The following NTM variants were observed in gnomAD, a reference collection of about 807,000 sequenced individuals.
NTM encodes the protein neurotrimin.
A neutral mutation model predicts 42.1 loss-of-function variants in NTM; 13 were observed. The observed-to-expected ratio is 0.31, with a 90% confidence interval of 0.20 to 0.49. The LOEUF is 0.49. NTM is among the 20% of genes least tolerant of loss of function. The probability of loss-of-function intolerance (pLI) is 0.99; values close to 1 mark genes in which losing one functional copy is unlikely to be tolerated. For synonymous variants in NTM, 187 were observed against 179.2 expected (o/e 1.04, Z -0.35); for missense variants, 373 against 452.8 (o/e 0.82, Z 1.60).
rs1565925517 is a variant in NTM at position 132,003,468 on chromosome 11, G to A, written c.167+91820G>A. On this transcript the variant is annotated intron_variant, in intron 2 of 8. Coordinates refer to ENST00000683400, the MANE Select transcript of NTM (RefSeq NM_001352005.2). This position sits in a 1 kb window ranked among gnomAD's most constrained non-coding sequence, Gnocchi z 6.0. ...CTTATATTTCCCAGGCTGCTCTTGA[G>A]TTCCTGGGCTCAAGCGATCCTTCTG... Among the ~76,000 whole-genome samples the A allele has an allele frequency of 6.6e-6, 1 of 152,000 alleles. No individual in the cohort carries two copies. The highest frequency in any genetic ancestry group is 2.1e-4 in the South Asian group (1 of 4,822).
At chr11:131,540,583 T>C (rs1452416274) in intron 1 of NTM, 1 of 152,224 alleles carries the variant, frequency 6.6e-6, no homozygotes, top group African/African-American at 2.4e-5. Context: ...AGTAGGTCAA[T>C]TGGCATGGCT....
intron 1 of NTM, among the ~76,000 whole-genome samples, chr11:131,521,383 CTTTTTTTTTTTTTTTT>C (rs773233050): frequency 5.5e-4 from 25 of 45,754 alleles, no homozygotes; most frequent in Non-Finnish European, 8.2e-4. Flanking sequence ...AGGTGCCAGT[CTTTTTTTTTTTTTTTT>C]TTTTTTTTTT....
chr11:131,520,116 G>A (rs1565593527), intron 1 of NTM, among the ~76,000 whole-genome samples: 1 of 152,168 alleles, frequency 6.6e-6, no homozygotes, highest in South Asian at 2.1e-4. Flanking sequence ...GTCAACAGTT[G>A]CATTATAGAA....
chr11:132,068,188 C>T (rs1594292341), intron 2 of NTM, among the ~76,000 whole-genome samples: 1 of 152,324 alleles, frequency 6.6e-6, no homozygotes, highest in African/African-American at 2.4e-5. Context: ...CTAATTTTAG[C>T]ATATTTTGCA....
intron 2 of NTM, among the ~76,000 whole-genome samples, chr11:131,993,419 G>A (rs2067377689): frequency 6.6e-6 from 1 of 152,186 alleles, no homozygotes; most frequent in Non-Finnish European, 1.5e-5. Context: ...TTAAGTGATG[G>A]AGGGGGAGAA....
intron 7 of NTM, among the ~76,000 whole-genome samples, chr11:132,321,671 C>G (rs1235420715): frequency 6.6e-6 from 1 of 151,776 alleles, no homozygotes; most frequent in South Asian, 2.1e-4. Context: ...TCAGGAAATA[C>G]AGAGAATGCC....
At chr11:131,932,368 A>G (rs1446815821) in intron 2 of NTM, among the ~76,000 whole-genome samples, 6 of 152,230 alleles carry the variant, frequency 3.9e-5, no homozygotes, top group Admixed American at 3.9e-4. Context: ...ATTGTCAACA[A>G]AAACATGCAT....
intron 1 of NTM, chr11:131,455,342 C>T (rs1326829020): frequency 2.0e-5 from 3 of 152,258 alleles, no homozygotes; most frequent in African/African-American, 7.2e-5. Flanking sequence ...GCTGCAGCCC[C>T]ACCTCCGCAC....
chr11:132,239,089 C>T (rs976222713), intron 4 of NTM, among the ~76,000 whole-genome samples: 11 of 152,158 alleles, frequency 7.2e-5, no homozygotes, highest in African/African-American at 2.7e-4. Flanking sequence ...GAAAGAATAT[C>T]CCAGATACAA....
At chr11:132,202,208 G>A (rs946894904) in intron 3 of NTM, among the ~76,000 whole-genome samples, 59 of 152,108 alleles carry the variant, frequency 3.9e-4, no homozygotes, top group African/African-American at 1.4e-3. Context: ...GGTTACTTGT[G>A]TAACCTCTCC....
chr11:131,797,270 T>C (rs2091667055), intron 1 of NTM, among the ~76,000 whole-genome samples: 1 of 152,116 alleles, frequency 6.6e-6, no homozygotes, highest in African/African-American at 2.4e-5. Flanking sequence ...GATTGACAAC[T>C]ATCTCTGCTC....
rs148654205 is a variant in NTM at position 132,143,864 on chromosome 11, A to G, written c.168-2418A>G. Reference sequence around the variant, plus strand: ...TGGGGTCTGCAAGGAGCATAAGGGAAGGTACACCCTTAGGTGTAGTAAGAG... The same window carrying G: ...TGGGGTCTGCAAGGAGCATAAGGGAGGGTACACCCTTAGGTGTAGTAAGAG... On this transcript the variant is annotated intron_variant, in intron 2 of 8. Coordinates refer to ENST00000683400, the MANE Select transcript of NTM (RefSeq NM_001352005.2). Among the ~76,000 whole-genome samples the G allele has an allele frequency of 1.5e-4, 23 of 152,322 alleles. No homozygotes were observed. The East Asian group carries it at 4.4e-3, about 29-fold the overall frequency.
chr11:131,860,575 C>T (rs963509312), intron 1 of NTM, among the ~76,000 whole-genome samples: 3 of 152,182 alleles, frequency 2.0e-5, no homozygotes, highest in African/African-American at 7.2e-5. Flanking sequence ...AATACGTATT[C>T]AGCATAAACC....
chr11:131,582,550 T>C, intron 1 of NTM, among the ~76,000 whole-genome samples: 1 of 97,228 alleles, frequency 1.0e-5, no homozygotes, highest in East Asian at 3.3e-4. Context: ...TTTGTTTTGC[T>C]TTGTTAATTT....
intron 1 of NTM, among the ~76,000 whole-genome samples, chr11:131,832,628 G>A (rs1251555013): frequency 1.3e-5 from 2 of 152,110 alleles, no homozygotes; most frequent in Non-Finnish European, 2.9e-5. Flanking sequence ...TCTGGCATTG[G>A]GGTTCTTGGT....
chr11:132,166,718 A>G (rs1192722552), intron 3 of NTM, among the ~76,000 whole-genome samples: 1 of 152,196 alleles, frequency 6.6e-6, no homozygotes, highest in Non-Finnish European at 1.5e-5. Flanking sequence ...AAATTAGCAC[A>G]TTCCTCCACA....
chr11:131,674,128 C>A (rs1479107141), intron 1 of NTM, among the ~76,000 whole-genome samples: 1 of 152,338 alleles, frequency 6.6e-6, no homozygotes, highest in Admixed American at 6.5e-5. Flanking sequence ...GGTCCTAGCA[C>A]GGGGTGCGGG....
intron 2 of NTM, among the ~76,000 whole-genome samples, chr11:132,097,223 GTGT>G (rs1483785451): frequency 1.3e-5 from 2 of 152,210 alleles, no homozygotes; most frequent in African/African-American, 4.8e-5. Flanking sequence ...GAGCACGCAA[GTGT>G]TGTGTGTGTG....
chr11:131,721,816 G>C (rs1381197628), intron 1 of NTM, among the ~76,000 whole-genome samples: 2 of 151,848 alleles, frequency 1.3e-5, no homozygotes, highest in Non-Finnish European at 2.9e-5. Flanking sequence ...GACCAACATG[G>C]AGAAACCCCA....
Sources: gnomAD v4.1 joint callset for allele counts (sites outside exome capture counted in the v4.1 genomes callset) on GRCh38, gnomAD v4.1.1 for gene constraint, Gnocchi (gnomAD v3.1) non-coding constraint, MANE v1.5 for transcripts, NCBI Gene and HGNC (gene_info 2026-07-23, HGNC 2026-07-21) for gene names.